SPOCK1: variants seen among roughly 807,000 people sequenced by gnomAD.
SPOCK1 encodes testican-1.
Under a neutral mutation model 55.3 loss-of-function variants are expected in SPOCK1, and 23 were observed. That is an observed-to-expected ratio of 0.42 (90% CI 0.30 to 0.59). The LOEUF is 0.59. SPOCK1 is among the 20% of genes least tolerant of loss of function. SPOCK1 has a pLI of 0.22. For missense variants in SPOCK1, 499 were observed against 552.5 expected, an observed-to-expected ratio of 0.90 and a Z score of 0.97; for synonymous variants, 226 against 221.0, an observed-to-expected ratio of 1.02 and a Z score of -0.20.
chr5:137,495,282 GGT>G (rs1754275213), intron 2 of SPOCK1, among the ~76,000 whole-genome samples: 1 of 152,190 alleles, frequency 6.6e-6, no homozygotes, highest in South Asian at 2.1e-4. Flanking sequence ...GAGGTTGCCA[GGT>G]CACCTCTGGC....
chr5:137,082,153 C>A (rs373574842), intron 5 of SPOCK1, among the ~76,000 whole-genome samples: 1 of 152,224 alleles, frequency 6.6e-6, no homozygotes, highest in Non-Finnish European at 1.5e-5. Flanking sequence ...AGACCCCACT[C>A]TCCTTTTCTA....
At chr5:137,390,737 C>T (rs750014468) in intron 2 of SPOCK1, among the ~76,000 whole-genome samples, 7 of 152,182 alleles carry the variant, frequency 4.6e-5, no homozygotes, top group South Asian at 4.1e-4. Flanking sequence ...GCCCCTACTG[C>T]CAGCAAGGCA....
intron 2 of SPOCK1, among the ~76,000 whole-genome samples, chr5:137,307,434 G>C (rs188609438): frequency 3.2e-4 from 49 of 152,334 alleles, no homozygotes; most frequent in Admixed American, 2.5e-3. Context: ...CAGCCAACAT[G>C]TTCTGCCACA....
At chr5:137,237,665 C>A (rs1756205107) in intron 3 of SPOCK1, among the ~76,000 whole-genome samples, 1 of 152,214 alleles carries the variant, frequency 6.6e-6, no homozygotes, top group South Asian at 2.1e-4. Flanking sequence ...AAAGAGTCAA[C>A]GTGTTAATAA....
intron 2 of SPOCK1, among the ~76,000 whole-genome samples, chr5:137,488,331 C>A (rs11242382): frequency 6.6e-6 from 1 of 152,016 alleles, no homozygotes; most frequent in Non-Finnish European, 1.5e-5. Context: ...GAGCTGAGAT[C>A]GCGCCACTGC....
intron 2 of SPOCK1, among the ~76,000 whole-genome samples, chr5:137,357,449 T>G (rs1217704651): frequency 6.6e-6 from 1 of 152,032 alleles, no homozygotes. Flanking sequence ...GAATGAGAAG[T>G]GGAATAAATA....
At chr5:137,225,590 T>C (rs1222570918) in intron 3 of SPOCK1, among the ~76,000 whole-genome samples, 2 of 152,168 alleles carry the variant, frequency 1.3e-5, no homozygotes, top group Non-Finnish European at 2.9e-5. Flanking sequence ...CACTCTCAAA[T>C]GCTAGGGCAT....
intron 2 of SPOCK1, among the ~76,000 whole-genome samples, chr5:137,298,425 T>C (rs1309059011): frequency 6.6e-6 from 1 of 152,256 alleles, no homozygotes. Flanking sequence ...ATGGTTTCTC[T>C]TGGCAAATGT....
At chr5:137,160,607 A>AATATATTATATATT (rs1561631786) in intron 3 of SPOCK1, among the ~76,000 whole-genome samples, 5 of 63,532 alleles carry the variant, frequency 7.9e-5, no homozygotes, top group African/African-American at 3.2e-4. Context: ...TATTATATAT[A>AATATATTATATATT]ATATATAATA....
intron 6 of SPOCK1, among the ~76,000 whole-genome samples, chr5:137,056,941 C>T (rs371018224): frequency 1.3e-5 from 2 of 152,072 alleles, no homozygotes; most frequent in South Asian, 2.1e-4. Context: ...GTAAAATTTA[C>T]GCAAGTATGA....
chr5:137,240,802 A>G (rs1756265939), intron 3 of SPOCK1, among the ~76,000 whole-genome samples: 1 of 152,240 alleles, frequency 6.6e-6, no homozygotes, highest in African/African-American at 2.4e-5. Context: ...CAAGCATATC[A>G]GACAGTATAA....
At chr5:137,387,215 C>T (rs2127177535) in intron 2 of SPOCK1, among the ~76,000 whole-genome samples, 1 of 152,328 alleles carries the variant, frequency 6.6e-6, no homozygotes, top group East Asian at 1.9e-4. Flanking sequence ...ATGGTGCAGC[C>T]ACTTTGGAAG....
intron 4 of SPOCK1, among the ~76,000 whole-genome samples, chr5:137,129,994 C>T (rs535410823): frequency 6.6e-6 from 1 of 152,184 alleles, no homozygotes; most frequent in Non-Finnish European, 1.5e-5. Context: ...TTCTTCCCCC[C>T]TCATCCTTCT....
intron 4 of SPOCK1, among the ~76,000 whole-genome samples, chr5:137,138,345 C>T (rs939423105): frequency 3.3e-5 from 5 of 152,164 alleles, no homozygotes; most frequent in Admixed American, 6.5e-5. Context: ...ACACCATTTA[C>T]ACCTGGATAT....
At chr5:137,417,351 A>AT (rs1414994096) in intron 2 of SPOCK1, among the ~76,000 whole-genome samples, 1 of 83,838 alleles carries the variant, frequency 1.2e-5, no homozygotes, top group Non-Finnish European at 2.6e-5. Flanking sequence ...TTTTTTTTTC[A>AT]TTTTTTTAAA....
intron 5 of SPOCK1, among the ~76,000 whole-genome samples, chr5:137,109,284 C>T (rs1448386110): frequency 6.6e-6 from 1 of 152,212 alleles, no homozygotes; most frequent in Non-Finnish European, 1.5e-5. Flanking sequence ...AAGTCTCTGC[C>T]AGAGCCCCAG....
intron 3 of SPOCK1, among the ~76,000 whole-genome samples, chr5:137,165,473 C>T (rs981617909): frequency 1.3e-5 from 2 of 152,184 alleles, no homozygotes; most frequent in East Asian, 1.9e-4. Flanking sequence ...ACTGCAAAGA[C>T]TGCAGTAAAT....
chr5:137,331,405 C>T (rs943752242), intron 2 of SPOCK1, among the ~76,000 whole-genome samples: 10 of 152,228 alleles, frequency 6.6e-5, no homozygotes, highest in Non-Finnish European at 1.5e-4. Flanking sequence ...CAGACCCTCA[C>T]TAGGGCCCAC....
intron 3 of SPOCK1, among the ~76,000 whole-genome samples, chr5:137,213,961 G>A (rs1223119100): frequency 6.6e-6 from 1 of 152,174 alleles, no homozygotes; most frequent in African/African-American, 2.4e-5. Flanking sequence ...GTTCGTGTCT[G>A]CATTTAATTT....
Sources: allele counts gnomAD v4.1 joint callset (sites outside exome capture counted in the v4.1 genomes callset), GRCh38; gene constraint gnomAD v4.1.1; transcripts MANE v1.5; gene names NCBI Gene and HGNC (gene_info 2026-07-23, HGNC 2026-07-21).